GRID2: variants seen among roughly 807,000 people sequenced by gnomAD.
GRID2 encodes glutamate receptor ionotropic, delta-2.
GRID2 carries 33 observed loss-of-function variants against 114.8 expected under a neutral mutation model. That is an observed-to-expected ratio of 0.29 (90% CI 0.22 to 0.38). The LOEUF (loss-of-function observed/expected upper bound fraction) is 0.38. Ranked by LOEUF, GRID2 falls within the 10% of genes least tolerant of loss-of-function variation. The probability of loss-of-function intolerance (pLI) is 1.00; values close to 1 mark genes in which losing one functional copy is unlikely to be tolerated. For synonymous variants in GRID2, 505 were observed against 449.9 expected, an observed-to-expected ratio of 1.12 and a Z score of -1.55; for missense variants, 1,184 against 1,257.7, an observed-to-expected ratio of 0.94 and a Z score of 0.89.
chr4:93,504,119 A>C (rs960142766), intron 12 of GRID2, among the ~76,000 whole-genome samples: 1 of 152,040 alleles, frequency 6.6e-6, no homozygotes, highest in Non-Finnish European at 1.5e-5. Flanking sequence ...TTTATTTCCC[A>C]CTATGAAATT....
At chr4:93,183,784 T>C (rs757009436) in intron 4 of GRID2, among the ~76,000 whole-genome samples, 12 of 152,186 alleles carry the variant, frequency 7.9e-5, no homozygotes, top group Non-Finnish European at 1.5e-4. Context: ...CTCAGGGAAG[T>C]TGGCTTCATT....
intron 1 of GRID2, among the ~76,000 whole-genome samples, chr4:92,518,846 T>C (rs991496671): frequency 6.6e-6 from 1 of 151,920 alleles, no homozygotes; most frequent in Non-Finnish European, 1.5e-5. Flanking sequence ...AGCTGTACCA[T>C]TCTTTGAAGC....
chr4:92,567,549 GAAAT>G (rs1295929542), intron 1 of GRID2, among the ~76,000 whole-genome samples: 3 of 151,996 alleles, frequency 2.0e-5, no homozygotes, highest in African/African-American at 7.2e-5. Context: ...TGCATTTAGA[GAAAT>G]AAAGTTTCAT....
rs200033413 is a variant in GRID2 at position 92,640,541 on chromosome 4, G to T, written c.244+50255G>T. On this transcript the variant is annotated intron_variant, in intron 2 of 15. Coordinates refer to ENST00000282020, the MANE Select transcript of GRID2 (RefSeq NM_001510.4). ...AGCTAAAGCCCAGGATATGACTAAA[G>T]AGAAAGGATCTCTGCTTAGATTACA... Among the ~76,000 whole-genome samples the T allele has an allele frequency of 5.3e-5, 8 of 151,800 alleles. No homozygotes were observed. The East Asian group carries it at 1.4e-3, about 26-fold the overall frequency.
At chr4:92,361,082 G>A (rs1195353026) in intron 1 of GRID2, among the ~76,000 whole-genome samples, 1 of 151,798 alleles carries the variant, frequency 6.6e-6, no homozygotes, top group Non-Finnish European at 1.5e-5. Context: ...AAGAAATGTG[G>A]TTTTATATTT....
intron 13 of GRID2, among the ~76,000 whole-genome samples, chr4:93,591,310 T>A (rs980269170): frequency 6.5e-4 from 99 of 152,100 alleles, no homozygotes; most frequent in Non-Finnish European, 1.4e-3. Flanking sequence ...TCTATTGATA[T>A]AATCATGTGG....
intron 4 of GRID2, among the ~76,000 whole-genome samples, chr4:93,167,885 TGAG>T (rs752808697): frequency 2.5e-4 from 38 of 152,000 alleles, no homozygotes; most frequent in Non-Finnish European, 4.7e-4. Flanking sequence ...GTGGTGGTGG[TGAG>T]TATATAAATA....
chr4:93,247,029 A>G (rs1274360759), intron 8 of GRID2, among the ~76,000 whole-genome samples: 4 of 152,112 alleles, frequency 2.6e-5, no homozygotes, highest in African/African-American at 9.7e-5. Flanking sequence ...TCACTTCTGG[A>G]GGAGTTCTAC....
chr4:92,575,991 G>A (rs1389056434), intron 1 of GRID2, among the ~76,000 whole-genome samples: 1 of 152,202 alleles, frequency 6.6e-6, no homozygotes, highest in South Asian at 2.1e-4. Flanking sequence ...AAACAGCTCT[G>A]CCATGCTAAG....
At chr4:93,414,706 T>TATATATATATATATA (rs1560595949) in intron 9 of GRID2, among the ~76,000 whole-genome samples, 3 of 149,596 alleles carry the variant, frequency 2.0e-5, no homozygotes, top group Admixed American at 1.3e-4. Context: ...TATATATATA[T>TATATATATATATATA]TTCCTTTTTT....
intron 2 of GRID2, among the ~76,000 whole-genome samples, chr4:92,941,210 G>C (rs1264607260): frequency 1.3e-5 from 2 of 151,964 alleles, no homozygotes; most frequent in East Asian, 1.9e-4. Context: ...GACTTTTTTT[G>C]GTTGGTAAGC....
chr4:93,115,956 C>G (rs1181053742), intron 4 of GRID2, among the ~76,000 whole-genome samples: 1 of 152,030 alleles, frequency 6.6e-6, no homozygotes, highest in African/African-American at 2.4e-5. Context: ...ACTCTTAGCT[C>G]TTTAACTTTT....
chr4:93,225,718 T>A (rs1048346832), intron 7 of GRID2, among the ~76,000 whole-genome samples: 2 of 152,122 alleles, frequency 1.3e-5, no homozygotes, highest in African/African-American at 2.4e-5. Flanking sequence ...GTAGAGGAAA[T>A]AAATATTTTA....
chr4:93,110,716 C>A, intron 3 of GRID2, 32 bp from the exon 4 acceptor site: 1 of 1,360,338 alleles, frequency 7.4e-7, no homozygotes, highest in South Asian at 1.2e-5. Context: ...CAATAATTCA[C>A]AGGTATTTTG....
chr4:92,948,784 ATC>A (rs1560734730), intron 2 of GRID2, among the ~76,000 whole-genome samples: 1 of 152,066 alleles, frequency 6.6e-6, no homozygotes, highest in African/African-American at 2.4e-5. Flanking sequence ...AATTAGTACA[ATC>A]TCTGAGAACA....
intron 2 of GRID2, among the ~76,000 whole-genome samples, chr4:93,049,392 T>C (rs1726474839): frequency 6.6e-6 from 1 of 152,008 alleles, no homozygotes; most frequent in African/African-American, 2.4e-5. Flanking sequence ...TTATAATTTT[T>C]ATGTATTCAC....
At chr4:92,414,596 G>C (rs982659122) in intron 1 of GRID2, among the ~76,000 whole-genome samples, 2 of 152,120 alleles carry the variant, frequency 1.3e-5, no homozygotes, top group African/African-American at 2.4e-5. Flanking sequence ...ACAGTGATGA[G>C]CTATCCTAGT....
At chr4:92,778,195 C>A (rs1236365495) in intron 2 of GRID2, among the ~76,000 whole-genome samples, 1 of 152,062 alleles carries the variant, frequency 6.6e-6, no homozygotes, top group East Asian at 1.9e-4. Flanking sequence ...TTCAACACCT[C>A]AAAGAGAAAT....
intron 1 of GRID2, among the ~76,000 whole-genome samples, chr4:92,471,512 A>G (rs1334651210): frequency 2.0e-5 from 3 of 152,102 alleles, no homozygotes; most frequent in African/African-American, 7.2e-5. Flanking sequence ...TATAATGATA[A>G]TGGTAAAGTT....
Sources: gnomAD v4.1 joint callset for allele counts (sites outside exome capture counted in the v4.1 genomes callset) on GRCh38, gnomAD v4.1.1 for gene constraint, MANE v1.5 for transcripts, NCBI Gene and HGNC (gene_info 2026-07-23, HGNC 2026-07-21) for gene names.